Variants in MNAT1 observed in about 807,000 individuals in gnomAD.
MNAT1 encodes MNAT1 component of CDK activating kinase.
In MNAT1, 43 loss-of-function variants were observed where a neutral mutation model predicts 42.0. The observed-to-expected ratio is 1.02, with a 90% CI of 0.80 to 1.32. The LOEUF (loss-of-function observed/expected upper bound fraction) is 1.32. Among genes scored for constraint, MNAT1 ranks in the 40% most tolerant of loss-of-function variants. The pLI is 0.00. For synonymous variants in MNAT1, 118 were observed against 120.0 expected, an observed-to-expected ratio of 0.98 and a Z score of 0.11; for missense variants, 306 against 350.4, an observed-to-expected ratio of 0.87 and a Z score of 1.01.
At chr14:60,912,548 C>G (rs2035396067) in intron 7 of MNAT1, among the ~76,000 whole-genome samples, 1 of 152,106 alleles carries the variant, frequency 6.6e-6, no homozygotes, top group South Asian at 2.1e-4. Context: ...ATTTGCTTGT[C>G]TATAAAGGAT....
intron 6 of MNAT1, among the ~76,000 whole-genome samples, chr14:60,871,644 CAG>C (rs1218227813): frequency 6.6e-6 from 1 of 150,872 alleles, no homozygotes; most frequent in Non-Finnish European, 1.5e-5. Flanking sequence ...TTTTTTGACA[CAG>C]AGTTTCACTC....
rs79058636 is a variant in MNAT1, at chr14:60,829,493, C to A, written c.687+10646C>A. Among the ~76,000 whole-genome samples the A allele has an allele frequency of 1.6e-4, 25 of 151,916 alleles. No individual in the cohort carries two copies. In the East Asian group the frequency reaches 4.3e-3, roughly 26 times the overall value. On this transcript the variant is annotated intron_variant, in intron 6 of 7. Coordinates refer to ENST00000261245, the MANE Select transcript of MNAT1 (RefSeq NM_002431.4). Reference sequence around the variant, plus strand: ...GTTTTATGTAATATTCTTTCCTTTACCACGGTAAAGGAAAAATTGTTAATA... The same window carrying A: ...GTTTTATGTAATATTCTTTCCTTTAACACGGTAAAGGAAAAATTGTTAATA...
At chr14:60,927,994 AC>A (rs1458347375) in intron 7 of MNAT1, among the ~76,000 whole-genome samples, 1 of 152,122 alleles carries the variant, frequency 6.6e-6, no homozygotes, top group Non-Finnish European at 1.5e-5. Flanking sequence ...ACCTTCGACA[AC>A]CCCAAAAGAT....
chr14:60,905,311 C>T (rs1245651212), intron 7 of MNAT1, among the ~76,000 whole-genome samples: 1 of 152,014 alleles, frequency 6.6e-6, no homozygotes, highest in Non-Finnish European at 1.5e-5. Flanking sequence ...TAAAATTCAA[C>T]TGTAATAAAA....
Position 60,925,516 on chromosome 14 carries a change from G to A in MNAT1, c.810-42713G>A, listed in dbSNP as rs1166614588. On this transcript the variant is annotated intron_variant, in intron 7 of 7. Coordinates refer to ENST00000261245, the MANE Select transcript of MNAT1 (RefSeq NM_002431.4). ...CTTCCTTTTGGCTTAGTTTTGCCAT[G>A]CATCCTGTCTTGGAAGTGCTACTTG... Among the ~76,000 whole-genome samples, 4 of 152,158 alleles carry A rather than the reference G, an allele frequency of 2.6e-5. No homozygotes were observed. The South Asian group carries it at 8.3e-4, about 32-fold the overall frequency.
At position 60,734,979 on chromosome 14, in the gene MNAT1, G is replaced by C. The variant is rs1896262709; in HGVS notation, c.89+28G>C. 2 of 1,606,746 alleles carry C rather than the reference G, an allele frequency of 1.2e-6. No individual in the cohort carries two copies. The highest frequency in any genetic ancestry group is 1.7e-6 in the Non-Finnish European group (2 of 1,173,276). The stretch of plus-strand genomic sequence containing the variant: ...GAGTTGGGCGGCAGTGGATTCCCTG[G>C]GGGAGAGACGCGCTGGGTGGGAGGA... On this transcript the variant is annotated intron_variant, in intron 1 of 7. Transcript: ENST00000261245. This position sits in a 1 kb window ranked among gnomAD's most constrained non-coding sequence, Gnocchi z 4.3.
At chr14:60,742,680 AC>A (rs1896509112) in intron 1 of MNAT1, among the ~76,000 whole-genome samples, 2 of 152,178 alleles carry the variant, frequency 1.3e-5, no homozygotes, top group Non-Finnish European at 2.9e-5. Context: ...GCACTAGGCA[AC>A]CAGTTATCTA....
rs1169565055 is a variant in MNAT1 at position 60,747,253 on chromosome 14, G to C, written c.89+12302G>C. Reference sequence around the variant, plus strand: ...CCCGCCCTGGCCTCCCAAAGTGCTAGGATTACAGGCGTGAGCCAATGCGCC... The same window carrying C: ...CCCGCCCTGGCCTCCCAAAGTGCTACGATTACAGGCGTGAGCCAATGCGCC... On this transcript the variant is annotated intron_variant, in intron 1 of 7. Transcript: ENST00000261245. 2.0e-5 allele frequency among the ~76,000 whole-genome samples: 3 copies of C among 151,922 alleles called. No homozygotes were observed. In the South Asian group the frequency reaches 6.2e-4, roughly 32 times the overall value.
At chr14:60,751,530 C>T (rs2030093476) in intron 1 of MNAT1, among the ~76,000 whole-genome samples, 1 of 151,838 alleles carries the variant, frequency 6.6e-6, no homozygotes, top group Non-Finnish European at 1.5e-5. Flanking sequence ...AATCAGATGT[C>T]AACTAGGAAG....
intron 7 of MNAT1, among the ~76,000 whole-genome samples, chr14:60,945,278 T>C (rs1301633326): frequency 2.0e-5 from 3 of 152,182 alleles, no homozygotes; most frequent in Non-Finnish European, 4.4e-5. Context: ...TTTGAGTCTA[T>C]AATGTGTCAT....
At chr14:60,868,524 T>TTTG (rs2034254367) in intron 6 of MNAT1, among the ~76,000 whole-genome samples, 1 of 152,138 alleles carries the variant, frequency 6.6e-6, no homozygotes, top group Admixed American at 6.5e-5. Context: ...TACCATCTTT[T>TTTG]TTGTTGTTGT....
chr14:60,900,183 C>T (rs1341019454), intron 7 of MNAT1, among the ~76,000 whole-genome samples: 2 of 152,004 alleles, frequency 1.3e-5, no homozygotes, highest in African/African-American at 4.8e-5. Flanking sequence ...GAGGAAGGGT[C>T]ACATGTCTCT....
chr14:60,784,114 G>A (rs1281657230), intron 1 of MNAT1, among the ~76,000 whole-genome samples: 1 of 149,452 alleles, frequency 6.7e-6, no homozygotes, highest in East Asian at 2.0e-4. Flanking sequence ...CTGGGTTCAA[G>A]CCGTTCTCCT....
intron 7 of MNAT1, among the ~76,000 whole-genome samples, chr14:60,893,288 T>C (rs2034883954): frequency 6.6e-6 from 1 of 152,088 alleles, no homozygotes; most frequent in Non-Finnish European, 1.5e-5. Flanking sequence ...TTTCATTCAC[T>C]TTTTAAAAAT....
intron 3 of MNAT1, among the ~76,000 whole-genome samples, 163 bp downstream of exon 3, chr14:60,798,323 T>G (rs2032086618): frequency 6.6e-6 from 1 of 152,196 alleles, no homozygotes; most frequent in African/African-American, 2.4e-5. Context: ...TTTGTCAAAT[T>G]GAAGGCATAC....
chr14:60,862,818 A>G (rs1303909151), intron 6 of MNAT1, among the ~76,000 whole-genome samples: 4 of 152,166 alleles, frequency 2.6e-5, no homozygotes, highest in Admixed American at 6.5e-5. Context: ...GATCTTCAGG[A>G]TATTTTATAA....
chr14:60,749,335 A>C (rs1468950228), intron 1 of MNAT1, among the ~76,000 whole-genome samples: 1 of 152,162 alleles, frequency 6.6e-6, no homozygotes, highest in Non-Finnish European at 1.5e-5. Flanking sequence ...TAAGGATCTA[A>C]AGTAGTAGTT....
chr14:60,888,478 C>T (rs2139480659), intron 7 of MNAT1, among the ~76,000 whole-genome samples: 1 of 152,130 alleles, frequency 6.6e-6, no homozygotes, highest in South Asian at 2.1e-4. Context: ...ATGACAAACC[C>T]ATAGCCAATA....
intron 1 of MNAT1, among the ~76,000 whole-genome samples, chr14:60,783,435 C>A (rs941637279): frequency 1.3e-5 from 2 of 152,156 alleles, no homozygotes; most frequent in Admixed American, 1.3e-4. Flanking sequence ...AAGTTATGTA[C>A]CTTCAAAGTA....
Sources: allele counts gnomAD v4.1 joint callset (sites outside exome capture counted in the v4.1 genomes callset), GRCh38; gene constraint gnomAD v4.1.1; non-coding constraint Gnocchi (gnomAD v3.1); transcripts MANE v1.5; gene names NCBI Gene and HGNC (gene_info 2026-07-23, HGNC 2026-07-21).